CASZ1: variants seen among roughly 807,000 people sequenced by gnomAD.
The protein encoded by CASZ1 is castor zinc finger 1.
CASZ1 carries 28 observed loss-of-function variants against 135.2 expected under a neutral mutation model. The ratio of observed to expected loss-of-function variants is 0.21; its 90% CI spans 0.15 to 0.28. The LOEUF (loss-of-function observed/expected upper bound fraction) is 0.28. CASZ1 is among the 10% of genes least tolerant of loss of function. CASZ1 has a pLI of 1.00. For synonymous variants in CASZ1, 1,068 were observed against 1,073.4 expected (o/e 0.99, Z 0.10); for missense variants, 2,161 against 2,453.3 (o/e 0.88, Z 2.52).
intron 2 of CASZ1, among the ~76,000 whole-genome samples, chr1:10,737,170 C>T (rs574826907): frequency 2.0e-5 from 3 of 152,336 alleles, no homozygotes; most frequent in East Asian, 1.9e-4. Context: ...ATGAGGCATC[C>T]GCTCCCCACC....
At chr1:10,752,787 GCA>G in intron 2 of CASZ1, among the ~76,000 whole-genome samples, 1 of 152,376 alleles carries the variant, frequency 6.6e-6, no homozygotes, top group Non-Finnish European at 1.5e-5. Context: ...TGTAATTCCA[GCA>G]CTTTGGGAGG....
chr1:10,743,795 T>A (rs990078739), intron 2 of CASZ1, among the ~76,000 whole-genome samples: 1 of 146,720 alleles, frequency 6.8e-6, no homozygotes. Context: ...GGATGGGAGA[T>A]GTCTTTTAGG....
chr1:10,723,992 A>G (rs1318087237), intron 2 of CASZ1, among the ~76,000 whole-genome samples: 1 of 151,784 alleles, frequency 6.6e-6, no homozygotes, highest in East Asian at 1.9e-4. Flanking sequence ...CTCACACCCA[A>G]CCGCTAGCAC....
chr1:10,680,814 G>A (rs1638392088), intron 4 of CASZ1, among the ~76,000 whole-genome samples: 1 of 152,250 alleles, frequency 6.6e-6, no homozygotes, highest in African/African-American at 2.4e-5. Context: ...AGCAGACGCA[G>A]CCCCAGTCTT....
chr1:10,654,926 C>T (rs972273087), intron 9 of CASZ1, among the ~76,000 whole-genome samples: 4 of 152,158 alleles, frequency 2.6e-5, no homozygotes, highest in Non-Finnish European at 5.9e-5. Flanking sequence ...AATCCATGGC[C>T]CTACCTCTAA....
rs1444007527 is a variant in CASZ1, at chr1:10,666,006, G to C, written c.17-435C>G. Among the ~76,000 whole-genome samples the C allele has an allele frequency of 6.6e-6, 1 of 152,156 alleles. No homozygotes were observed. Among genetic ancestry groups the C allele is most frequent in the Non-Finnish European group, 1.5e-5 (1 of 68,030 alleles). The stretch of plus-strand genomic sequence containing the variant: ...CGGTCAGGCTGTCAAGGGACAGCGT[G>C]GCATTCCTGGCAGCTTGTTCCGCTT... On this transcript the variant is annotated intron_variant, in intron 4 of 20. Transcript: ENST00000377022. This position sits in a 1 kb window ranked among gnomAD's most constrained non-coding sequence, Gnocchi z 5.2.
At position 10,637,592 on chromosome 1, in the gene CASZ1, G is replaced by A. The variant is rs530400127; in HGVS notation, c.*1350C>T. The A allele has an allele frequency of 6.6e-6, 1 of 152,384 alleles. No homozygotes were observed. Among genetic ancestry groups the A allele is most frequent in the Non-Finnish European group, 1.5e-5 (1 of 68,074 alleles). The allele number at this position is 152,384 out of a possible 1,614,324, so 9.4% of individuals were successfully genotyped here. On this transcript the variant is annotated 3_prime_UTR_variant, in exon 21 of 21. Transcript: ENST00000377022. ...CAATCTGACACCAGCTGGTGGCCTG[G>A]AGTAGGGAAGGTGGGCAGGTGTGGC...
intron 11 of CASZ1, chr1:10,651,389 T>G: frequency 4.1e-6 from 1 of 243,034 alleles, no homozygotes; most frequent in Non-Finnish European, 7.8e-6. Flanking sequence ...ACAGTCGATT[T>G]GTGGGGCTGC....
At chr1:10,682,259 C>T (rs1293254386) in intron 4 of CASZ1, among the ~76,000 whole-genome samples, 1 of 152,020 alleles carries the variant, frequency 6.6e-6, no homozygotes, top group African/African-American at 2.4e-5. Flanking sequence ...GGAGGTGAGA[C>T]AGTGAAGGCT....
At chr1:10,734,313 C>A (rs1262708124) in intron 2 of CASZ1, among the ~76,000 whole-genome samples, 1 of 151,442 alleles carries the variant, frequency 6.6e-6, no homozygotes, top group African/African-American at 2.4e-5. Flanking sequence ...GCCGTGCCCT[C>A]CCTTGGAAAA....
chr1:10,748,283 G>C (rs953915815), intron 2 of CASZ1, among the ~76,000 whole-genome samples: 1 of 152,072 alleles, frequency 6.6e-6, no homozygotes, highest in Non-Finnish European at 1.5e-5. Flanking sequence ...ACCTATCCTG[G>C]GCAGGGGCGG....
chr1:10,652,588 A>C (rs1466316645), intron 11 of CASZ1: 1 of 152,270 alleles, frequency 6.6e-6, no homozygotes, highest in Non-Finnish European at 1.5e-5. Context: ...ATCCAGAGAA[A>C]AATGGAGGGA....
chr1:10,782,469 G>A (rs1331548872), intron 1 of CASZ1, among the ~76,000 whole-genome samples: 4 of 152,232 alleles, frequency 2.6e-5, no homozygotes, highest in Admixed American at 6.5e-5. Flanking sequence ...GGTTGGACAC[G>A]GGGAGGACAC....
rs1642010791 is a variant in CASZ1, at chr1:10,636,873, C to T, written c.*2069G>A. The T allele has an allele frequency of 6.6e-6, 1 of 151,688 alleles. No individual in the cohort carries two copies. Among genetic ancestry groups the T allele is most frequent in the Admixed American group, 6.6e-5 (1 of 15,200 alleles). The allele number at this position is 151,688 out of a possible 1,614,324, so 9.4% of individuals were successfully genotyped here. A position where few individuals can be genotyped will look rare whatever the true frequency, so the allele number is the denominator to read the frequency against. The stretch of plus-strand genomic sequence containing the variant: ...CTCTATATATCTATATATGTATATA[C>T]ATATAGATATATACACACACATATG... On this transcript the variant is annotated 3_prime_UTR_variant, in exon 21 of 21. Coordinates refer to ENST00000377022, the MANE Select transcript of CASZ1 (RefSeq NM_001079843.3).
chr1:10,791,081 CAA>C lies in CASZ1; in HGVS notation c.-234+5481_-234+5482del, dbSNP rs61062042. Among the ~76,000 whole-genome samples, 334 of 121,134 alleles carry C rather than the reference CAA, an allele frequency of 2.8e-3. 9 individuals are homozygous for C. The East Asian group carries it at 0.051, about 19-fold the overall frequency. The allele number at this position is 121,134 out of a possible 152,430, so 79.5% of individuals were successfully genotyped here. ...ACATCCGAAGAGACCCTCTTCCCAT[CAA>C]AAAAAAAAAAAAAAGTTGAAAAATC... On this transcript the variant is annotated intron_variant, in intron 1 of 20. Coordinates refer to ENST00000377022, the MANE Select transcript of CASZ1 (RefSeq NM_001079843.3).
chr1:10,715,091 TTCAGAGTTACTCTCCGAG>T (rs1378333958), intron 2 of CASZ1, among the ~76,000 whole-genome samples: 1 of 152,200 alleles, frequency 6.6e-6, no homozygotes, highest in Non-Finnish European at 1.5e-5. Context: ...AGGTGTCCAG[TTCAGAGTTACTCTCCGAG>T]TCAGCCCACC....
chr1:10,641,824 C>T (rs1570394527), intron 20 of CASZ1, among the ~76,000 whole-genome samples: 1 of 152,270 alleles, frequency 6.6e-6, no homozygotes, highest in East Asian at 1.9e-4. Context: ...CTGGCCTGCC[C>T]AGCACTGAGC....
rs749285727 is a variant in CASZ1 at position 10,665,556 on chromosome 1, C to T, written c.32G>A (p.Cys11Tyr). The change falls in exon 5 of 21, where the codon TGC becomes TAC. Residue 11 changes from cysteine (C) to tyrosine (Y), a missense_variant. Coordinates refer to ENST00000377022, the MANE Select transcript of CASZ1 (RefSeq NM_001079843.3). MDLGTAEGTR[C>Y]TDPPAGKPAM... ...GGGCTTGCCTGCAGGCGGGTCCGTG[C>T]ACCGGGTGCCCTCAGCTGCAGGGAT... The T allele has an allele frequency of 1.3e-6, 2 of 1,563,976 alleles. No homozygotes were observed. Among genetic ancestry groups the T allele is most frequent in the Non-Finnish European group, 1.7e-6 (2 of 1,160,812 alleles).
rs1227633936 is a variant in CASZ1 at position 10,653,388 on chromosome 1, G to A, written c.2669C>T (p.Thr890Ile). 4.3e-6 allele frequency: 7 copies of A among 1,613,254 alleles called. No individual in the cohort carries two copies. The highest frequency in any genetic ancestry group is 1.1e-5 in the South Asian group (1 of 91,078). ...LAAAALKPSA[T>I]FDPGSGQQVT... The stretch of plus-strand genomic sequence containing the variant: ...CCCAGCCTGCTCACCTGGGTCAAAG[G>A]TGGCAGAGGGCTTGAGGGCAGCTGC... Residue 890 changes from threonine to isoleucine, a missense_variant, in exon 11 of 21, where the codon ACC becomes ATC. Physicochemically the swap from Thr to Ile is moderately conservative, Grantham distance 89. Around this residue, in one of 7 missense-constraint regions of CASZ1, gnomAD observed 406 missense variants for 387.6 expected, o/e 1.05. Coordinates refer to ENST00000377022, the MANE Select transcript of CASZ1 (RefSeq NM_001079843.3).
Sources: gnomAD v4.1 joint callset for allele counts (sites outside exome capture counted in the v4.1 genomes callset) on GRCh38, gnomAD v4.1.1 for gene constraint, gnomAD v4.1.1 regional missense constraint, Gnocchi (gnomAD v3.1) non-coding constraint, MANE v1.5 for transcripts, NCBI Gene and HGNC (gene_info 2026-07-23, HGNC 2026-07-21) for gene names.